Variants in ATP13A5 observed in about 807,000 individuals in gnomAD.
The protein encoded by ATP13A5 is ATPase 13A5, also known as probable cation-transporting ATPase 13A5.
ATP13A5 carries 149 observed loss-of-function variants against 150.2 expected under a neutral mutation model. That is an observed-to-expected ratio of 0.99 (90% CI 0.87 to 1.14). The LOEUF is 1.14. Among genes scored for constraint, ATP13A5 ranks in the 50% most tolerant of loss-of-function variants. ATP13A5 has a pLI of 0.00. For missense variants in ATP13A5, 1,383 were observed against 1,449.3 expected (o/e 0.95, Z 0.74); for synonymous variants, 497 against 522.2 (o/e 0.95, Z 0.66).
At chr3:193,312,792 G>A (rs1718904036) in intron 19 of ATP13A5, 1 of 152,092 alleles carries the variant, frequency 6.6e-6, no homozygotes, top group Admixed American at 6.6e-5. Flanking sequence ...GTGCTGAATT[G>A]GGAGGCAAGA....
At chr3:193,298,173 C>A (rs1462473971) in intron 25 of ATP13A5, among the ~76,000 whole-genome samples, 1 of 152,072 alleles carries the variant, frequency 6.6e-6, no homozygotes, top group Non-Finnish European at 1.5e-5. Flanking sequence ...GTTCTTGAAA[C>A]CTCTTGGTGT....
chr3:193,321,879 G>C, intron 15 of ATP13A5, 42 bp from the exon 16 acceptor site: 1 of 1,600,718 alleles, frequency 6.2e-7, no homozygotes, highest in Non-Finnish European at 8.5e-7. Context: ...AAGCTGCTAA[G>C]TGATATTTCC....
chr3:193,312,019 GT>G, intron 19 of ATP13A5, 78 bp from the exon 20 acceptor site: 3 of 1,546,344 alleles, frequency 1.9e-6, no homozygotes, highest in Non-Finnish European at 2.6e-6. Flanking sequence ...TGAAGGAAGA[GT>G]TTTCATGTTG....
chr3:193,342,858 A>G (rs564902386), intron 9 of ATP13A5, among the ~76,000 whole-genome samples: 12 of 152,320 alleles, frequency 7.9e-5, no homozygotes, highest in African/African-American at 2.9e-4. Context: ...TGAGAAGGAC[A>G]GTTTTCCTTG....
intron 27 of ATP13A5, among the ~76,000 whole-genome samples, chr3:193,283,793 T>C (rs901660993): frequency 1.3e-5 from 2 of 151,766 alleles, no homozygotes; most frequent in Admixed American, 1.3e-4. Flanking sequence ...ACAAGTATAC[T>C]TTTATAGCAT....
chr3:193,378,631 G>A, intron 1 of ATP13A5, 32 bp downstream of exon 1: 2 of 1,596,368 alleles, frequency 1.3e-6, no homozygotes, highest in Non-Finnish European at 8.6e-7. Flanking sequence ...TGGGCTCTTT[G>A]AGAAGACTAA....
chr3:193,304,768 A>G (rs1718543935), intron 23 of ATP13A5, among the ~76,000 whole-genome samples: 1 of 152,204 alleles, frequency 6.6e-6, no homozygotes, highest in South Asian at 2.1e-4. Flanking sequence ...TCACACTGCC[A>G]TAAAGATTAC....
intron 9 of ATP13A5, 124 bp downstream of exon 9, chr3:193,343,803 C>T (rs534453094): frequency 4.5e-6 from 5 of 1,102,668 alleles, no homozygotes; most frequent in South Asian, 4.3e-5. Flanking sequence ...AATGCAAAGG[C>T]TGGCTGTGTC....
intron 1 of ATP13A5, among the ~76,000 whole-genome samples, chr3:193,366,817 T>C (rs568379088): frequency 3.3e-5 from 5 of 152,180 alleles, no homozygotes; most frequent in African/African-American, 1.2e-4. Context: ...ACACATAGAA[T>C]ACTTACCTAA....
Position 193,321,760 on chromosome 3 carries a change from C to G in ATP13A5, c.1836G>C (p.Gln612His). 6.2e-7 allele frequency: 1 copy of G among 1,614,170 alleles called. No individual in the cohort carries two copies. Among genetic ancestry groups the G allele is most frequent in the South Asian group, 1.1e-5 (1 of 91,076 alleles). Residue 612 changes from glutamine (Q) to histidine (H), a missense_variant, in exon 16 of 30, where the codon CAG becomes CAC. Gln to His is a conservative substitution (Grantham distance 24, BLOSUM62 0). Transcript: ENST00000342358. ...SSLQRMSVIAQLAGENHFHVY... is the reference protein window; with the variant it reads ...SSLQRMSVIAHLAGENHFHVY... The stretch of plus-strand genomic sequence containing the variant: ...CATGGAAATGATTCTCCCCAGCTAG[C>G]TGAGCGATCACGGACATCCTCTGCA...
chr3:193,368,918 A>G (rs1713346433), intron 1 of ATP13A5, among the ~76,000 whole-genome samples: 1 of 152,230 alleles, frequency 6.6e-6, no homozygotes, highest in Admixed American at 6.6e-5. Flanking sequence ...ATAAAAAGAA[A>G]GACAAAACAA....
At chr3:193,351,823 A>G (rs1006483195) in intron 6 of ATP13A5, among the ~76,000 whole-genome samples, 3 of 152,214 alleles carry the variant, frequency 2.0e-5, no homozygotes, top group Non-Finnish European at 2.9e-5. Flanking sequence ...GGTATTACCA[A>G]CCTGAAAGCT....
At chr3:193,342,802 T>C (rs1221588047) in intron 9 of ATP13A5, among the ~76,000 whole-genome samples, 1 of 152,188 alleles carries the variant, frequency 6.6e-6, no homozygotes, top group Non-Finnish European at 1.5e-5. Context: ...AAGTCATTCT[T>C]CACTGTCAGG....
chr3:193,276,886 G>T (rs997666679), intron 28 of ATP13A5, 56 bp from the exon 29 acceptor site: 22 of 1,221,864 alleles, frequency 1.8e-5, no homozygotes, highest in Non-Finnish European at 2.2e-5. Flanking sequence ...TTTGAAAAAA[G>T]ACCATATTAA....
intron 25 of ATP13A5, 101 bp from the exon 26 acceptor site, chr3:193,290,160 G>T: frequency 8.3e-7 from 1 of 1,211,216 alleles, no homozygotes; most frequent in Non-Finnish European, 1.1e-6. Context: ...TTGGGATTCA[G>T]ACTAAGCAAA....
In ATP13A5 at chr3:193,274,923, T is replaced by C. The variant is rs1717113899; in HGVS notation, c.*119A>G. On this transcript the variant is annotated 3_prime_UTR_variant, in exon 30 of 30. Transcript: ENST00000342358. ...TGCAAGGTTTAATTCATTGAAAATA[T>C]ACTTTGAATGCTTGAATGGAGAGAG... is the stretch of plus-strand genomic sequence containing the variant. 2.1e-6 allele frequency: 3 copies of C among 1,395,682 alleles called. No homozygotes were observed. In the South Asian group the frequency reaches 4.1e-5, roughly 19 times the overall value. The allele number at this position is 1,395,682 out of a possible 1,614,324, so 86.5% of individuals were successfully genotyped here. A position where few individuals can be genotyped will look rare whatever the true frequency, so the allele number is the denominator to read the frequency against.
intron 29 of ATP13A5, among the ~76,000 whole-genome samples, chr3:193,275,894 G>A (rs1717175241): frequency 6.6e-6 from 1 of 151,910 alleles, no homozygotes; most frequent in Non-Finnish European, 1.5e-5. Flanking sequence ...TTTTATTATG[G>A]GAAGAACGTA....
Position 193,274,994 on chromosome 3 carries a change from T to C in ATP13A5, c.*48A>G. 1 of 1,602,126 alleles carries C rather than the reference T, an allele frequency of 6.2e-7. No homozygotes were observed. Among genetic ancestry groups the C allele is most frequent in the Non-Finnish European group, 8.5e-7 (1 of 1,173,480 alleles). On this transcript the variant is annotated 3_prime_UTR_variant, in exon 30 of 30. Coordinates refer to ENST00000342358, the MANE Select transcript of ATP13A5 (RefSeq NM_198505.4). ...CATCACTTCTCCACAATGTGTTAAT[T>C]TTGGGGAAAAAAGCAATGCTGTTGA...
rs749448261 is a variant in ATP13A5 at position 193,351,223 on chromosome 3, T to C, written c.607-22A>G. ...AAACCTGCAGGCACAAAAATGGCAT[T>C]TGGGTCACTTGCATGAACCTTAGTA... On this transcript the variant is annotated intron_variant, in intron 6 of 29. Transcript: ENST00000342358. 7 of 1,613,280 alleles carry C rather than the reference T, an allele frequency of 4.3e-6. No homozygotes were observed. In the South Asian group the frequency reaches 7.7e-5, roughly 18 times the overall value.
Sources: allele counts gnomAD v4.1 joint callset (sites outside exome capture counted in the v4.1 genomes callset), GRCh38; gene constraint gnomAD v4.1.1; transcripts MANE v1.5; gene names NCBI Gene and HGNC (gene_info 2026-07-23, HGNC 2026-07-21).